The following ASCC3 variants were observed in gnomAD, a reference collection of about 807,000 sequenced individuals.
The protein encoded by ASCC3 is activating signal cointegrator 1 complex subunit 3.
Under a neutral mutation model 256.3 loss-of-function variants are expected in ASCC3, and 158 were observed. The ratio of observed to expected loss-of-function variants is 0.62; its 90% CI spans 0.54 to 0.70. The LOEUF is 0.70. Ranked by LOEUF, ASCC3 falls within the 30% of genes least tolerant of loss-of-function variation. The pLI, the probability that ASCC3 is intolerant of heterozygous loss-of-function variation, is 0.00. For synonymous variants in ASCC3, 948 were observed against 883.4 expected (o/e 1.07, Z -1.30); for missense variants, 2,259 against 2,626.0 (o/e 0.86, Z 3.05).
At chr6:100,878,780 G>A (rs533116940) in intron 1 of ASCC3, among the ~76,000 whole-genome samples, 10 of 152,282 alleles carry the variant, frequency 6.6e-5, no homozygotes, top group African/African-American at 1.2e-4. Flanking sequence ...GCTCTCACAC[G>A]ACAACCATCA....
intron 20 of ASCC3, 67 bp from the exon 21 acceptor site, chr6:100,647,518 T>C (rs772113035): frequency 2.3e-5 from 32 of 1,372,996 alleles, no homozygotes; most frequent in Non-Finnish European, 3.2e-5. Context: ...AATAAATCTA[T>C]TATTCAAACT....
At chr6:100,845,797 A>C (rs1772353916) in intron 4 of ASCC3, among the ~76,000 whole-genome samples, 1 of 152,272 alleles carries the variant, frequency 6.6e-6, no homozygotes, top group African/African-American at 2.4e-5. Context: ...TTTTTAAAAA[A>C]GACTTTAATA....
At chr6:100,724,371 C>T (rs1419526045) in intron 11 of ASCC3, among the ~76,000 whole-genome samples, 1 of 151,458 alleles carries the variant, frequency 6.6e-6, no homozygotes, top group East Asian at 1.9e-4. Flanking sequence ...GACCAGACTG[C>T]AGTGGTTTAG....
chr6:100,726,111 C>T (rs1230469242), intron 10 of ASCC3, among the ~76,000 whole-genome samples: 1 of 151,186 alleles, frequency 6.6e-6, no homozygotes, highest in African/African-American at 2.4e-5. Flanking sequence ...GAAAAATCAA[C>T]AATTCACTCT....
intron 37 of ASCC3, among the ~76,000 whole-genome samples, chr6:100,536,747 T>A (rs905063378): frequency 3.9e-5 from 6 of 152,204 alleles, no homozygotes; most frequent in African/African-American, 1.2e-4. Context: ...ATTAAAGGTA[T>A]GAACTGCCAT....
chr6:100,684,559 TAAAC>T (rs1054905124), intron 13 of ASCC3, among the ~76,000 whole-genome samples: 1 of 152,036 alleles, frequency 6.6e-6, no homozygotes. Context: ...CGAATAAACA[TAAAC>T]AAAATTAATT....
intron 36 of ASCC3, among the ~76,000 whole-genome samples, chr6:100,555,339 G>T (rs240777): frequency 6.6e-6 from 1 of 152,122 alleles, no homozygotes; most frequent in South Asian, 2.1e-4. Context: ...CAGGGCTCAT[G>T]TGAATATATG....
intron 3 of ASCC3, among the ~76,000 whole-genome samples, chr6:100,850,300 C>A (rs1772602727): frequency 6.6e-6 from 1 of 152,102 alleles, no homozygotes; most frequent in African/African-American, 2.4e-5. Flanking sequence ...CGTTCTACCC[C>A]ACTCTATGCC....
chr6:100,799,335 A>G (rs77346348), intron 7 of ASCC3, 96 bp downstream of exon 7: 3 of 1,370,114 alleles, frequency 2.2e-6, no homozygotes, highest in African/African-American at 1.4e-5. Flanking sequence ...AGCATAGTCA[A>G]CTAGTGTTAG....
chr6:100,559,713 G>A (rs556828463), intron 36 of ASCC3, among the ~76,000 whole-genome samples: 3 of 152,134 alleles, frequency 2.0e-5, no homozygotes, highest in East Asian at 1.9e-4. Flanking sequence ...ATCTGGACGT[G>A]GTGGTGCCTG....
chr6:100,772,445 T>C (rs1293992232), intron 8 of ASCC3, among the ~76,000 whole-genome samples: 2 of 152,334 alleles, frequency 1.3e-5, no homozygotes, highest in Middle Eastern at 3.4e-3. Context: ...CAAAATGTTA[T>C]ATATTGATAC....
rs958771279 is a variant in ASCC3, at chr6:100,543,759, T to C, written c.5551-3372A>G. Among the ~76,000 whole-genome samples the C allele has an allele frequency of 2.0e-5, 3 of 152,070 alleles. No homozygotes were observed. The East Asian group carries it at 5.8e-4, about 29-fold the overall frequency. On this transcript the variant is annotated intron_variant, in intron 36 of 41. Coordinates refer to ENST00000369162, the MANE Select transcript of ASCC3 (RefSeq NM_006828.4). ...AGAAACAGAAAAAAAATCAGAAGTA[T>C]TGCTGAAGATTTCAATACCTATCTT...
intron 30 of ASCC3, among the ~76,000 whole-genome samples, chr6:100,612,280 C>T (rs934949457): frequency 2.0e-5 from 3 of 150,932 alleles, no homozygotes; most frequent in Admixed American, 6.6e-5. Context: ...ACGTTGGCAC[C>T]AAAAGGAGGA....
intron 10 of ASCC3, among the ~76,000 whole-genome samples, chr6:100,731,334 T>C (rs1419496139): frequency 6.6e-6 from 1 of 152,206 alleles, no homozygotes; most frequent in African/African-American, 2.4e-5. Context: ...TCTCAGAATA[T>C]ACATACTGAA....
intron 25 of ASCC3, 96 bp from the exon 26 acceptor site, chr6:100,631,309 G>C (rs1774532333): frequency 3.3e-6 from 3 of 910,376 alleles, no homozygotes; most frequent in Non-Finnish European, 5.3e-6. Context: ...AAATATGACA[G>C]TGTGGTTTGA....
intron 24 of ASCC3, 124 bp downstream of exon 24, chr6:100,642,457 G>A: frequency 3.1e-6 from 3 of 960,378 alleles, no homozygotes; most frequent in Non-Finnish European, 4.9e-6. Flanking sequence ...AAATAAAAAG[G>A]GAGTTATAGA....
intron 10 of ASCC3, among the ~76,000 whole-genome samples, chr6:100,737,486 T>C (rs1780234793): frequency 6.6e-6 from 1 of 152,144 alleles, no homozygotes; most frequent in African/African-American, 2.4e-5. Context: ...GGTGTTTGGT[T>C]TTCTGTTCCT....
chr6:100,813,308 T>C (rs993045643), intron 4 of ASCC3, among the ~76,000 whole-genome samples: 4 of 151,728 alleles, frequency 2.6e-5, no homozygotes, highest in African/African-American at 9.7e-5. Flanking sequence ...ATACAAAAAA[T>C]TTAGCTGGGC....
chr6:100,657,457 G>A (rs1775971428), intron 16 of ASCC3, among the ~76,000 whole-genome samples: 1 of 151,448 alleles, frequency 6.6e-6, no homozygotes, highest in South Asian at 2.1e-4. Context: ...ATCTGAGAGT[G>A]TCTCTCCTTT....
Sources: allele counts gnomAD v4.1 joint callset (sites outside exome capture counted in the v4.1 genomes callset), GRCh38; gene constraint gnomAD v4.1.1; transcripts MANE v1.5; gene names NCBI Gene and HGNC (gene_info 2026-07-23, HGNC 2026-07-21).